The following TAF15 variants were observed in gnomAD, a reference collection of about 807,000 sequenced individuals.
TAF15 encodes the protein TATA-box binding protein associated factor 15, also known as TATA-binding protein-associated factor 2N.
TAF15 carries 37 observed loss-of-function variants against 102.5 expected under a neutral mutation model. The ratio of observed to expected loss-of-function variants is 0.36; its 90% CI spans 0.28 to 0.47. TAF15 has a LOEUF of 0.47. Among genes scored for constraint, TAF15 ranks in the 20% least tolerant of loss-of-function variants. TAF15 has a pLI of 0.99. For synonymous variants in TAF15, 273 were observed against 259.2 expected (o/e 1.05, Z -0.51); for missense variants, 652 against 760.7 (o/e 0.86, Z 1.68).
chr17:35,829,492 C>T (rs1457969327), intron 7 of TAF15, among the ~76,000 whole-genome samples: 2 of 150,544 alleles, frequency 1.3e-5, no homozygotes, highest in Admixed American at 6.6e-5. Flanking sequence ...ATTAGCCGGG[C>T]GTGGTGGCGG....
intron 1 of TAF15, among the ~76,000 whole-genome samples, chr17:35,816,489 AAAG>A (rs1411307958): frequency 4.6e-5 from 7 of 152,212 alleles, no homozygotes; most frequent in Non-Finnish European, 8.8e-5. Context: ...CATCTCTTAA[AAAG>A]AAGAAAGAAA....
At position 35,820,152 on chromosome 17, in the gene TAF15, C is replaced by T; in HGVS notation, c.100-12C>T. 6.2e-7 allele frequency: 1 copy of T among 1,613,968 alleles called. No homozygotes were observed. ...GTAGGTGATGAAACTTGAGTATTTA[C>T]CTAAATTTCAGAGCTATTCTGGCTA... is the stretch of plus-strand genomic sequence containing the variant. On this transcript the variant is annotated splice_polypyrimidine_tract_variant and intron_variant, in intron 3 of 15. Coordinates refer to ENST00000605844, the MANE Select transcript of TAF15 (RefSeq NM_139215.3).
At chr17:35,817,672 C>T in intron 1 of TAF15, 44 bp from the exon 2 acceptor site, 3 of 1,572,622 alleles carry the variant, frequency 1.9e-6, no homozygotes, top group Non-Finnish European at 2.6e-6. Context: ...TTTGAAGGAA[C>T]CATAATTTTA....
chr17:35,812,051 G>A (rs2087130288), intron 1 of TAF15, among the ~76,000 whole-genome samples: 1 of 152,174 alleles, frequency 6.6e-6, no homozygotes, highest in Admixed American at 6.5e-5. Context: ...TAACTGTGTA[G>A]GGACCAGAGA....
At chr17:35,814,586 G>A (rs1238275126) in intron 1 of TAF15, among the ~76,000 whole-genome samples, 1 of 151,562 alleles carries the variant, frequency 6.6e-6, no homozygotes, top group Non-Finnish European at 1.5e-5. Flanking sequence ...ACAGAAAACA[G>A]GCCCACCTGT....
chr17:35,818,463 A>G (rs926469928), intron 2 of TAF15: 3 of 152,108 alleles, frequency 2.0e-5, no homozygotes, highest in African/African-American at 7.2e-5. Context: ...TCTCCTTGGT[A>G]TTGTAAAGTT....
Position 35,833,951 on chromosome 17 carries a change from G to C in TAF15, c.640+10G>C. ...TTCAAAAATTTTGGTGGTAAGTGCTGAGTATCCCAAAATGTTTCAGTGGAA... is the reference window on the plus strand; with the variant it reads ...TTCAAAAATTTTGGTGGTAAGTGCTCAGTATCCCAAAATGTTTCAGTGGAA... On this transcript the variant is annotated intron_variant, in intron 8 of 15. Coordinates refer to ENST00000605844, the MANE Select transcript of TAF15 (RefSeq NM_139215.3). 1 of 1,613,702 alleles carries C rather than the reference G, an allele frequency of 6.2e-7. No homozygotes were observed. Among genetic ancestry groups the C allele is most frequent in the South Asian group, 1.1e-5 (1 of 91,054 alleles).
rs1414284417 is a variant in TAF15, at chr17:35,838,413, T to G, written c.784-11T>G. The G allele has an allele frequency of 6.2e-7, 1 of 1,614,058 alleles. No individual in the cohort carries two copies. The highest frequency in any genetic ancestry group is 2.2e-5 in the East Asian group (1 of 44,878). On this transcript the variant is annotated splice_polypyrimidine_tract_variant and intron_variant, in intron 10 of 15. Coordinates refer to ENST00000605844, the MANE Select transcript of TAF15 (RefSeq NM_139215.3). ...AAAATGCTAACACCAAGTGTTTCTGTTTTTCCTCAGACAAATAAGAAGACC... is the reference window on the plus strand; with the variant it reads ...AAAATGCTAACACCAAGTGTTTCTGGTTTTCCTCAGACAAATAAGAAGACC...
chr17:35,817,151 T>C (rs2087205707), intron 1 of TAF15: 1 of 152,854 alleles, frequency 6.5e-6, no homozygotes, highest in Admixed American at 6.5e-5. Flanking sequence ...CAGGTATTGC[T>C]GACTTGCTGT....
Position 35,822,659 on chromosome 17 carries a change from T to G in TAF15, c.310T>G (p.Ser104Ala), listed in dbSNP as rs368588705. The G allele has an allele frequency of 1.3e-5, 21 of 1,614,044 alleles. No individual in the cohort carries two copies. In the African/African-American group the frequency reaches 2.8e-4, roughly 22 times the overall value. ...SSGSQGGRAPSYDQPDYGQQD... is the reference protein window; with the variant it reads ...SSGSQGGRAPAYDQPDYGQQD... ...ATTTAGCCAAGGTGGAAGAGCACCT[T>G]CCTATGACCAGCCAGACTATGGTCA... The change falls in exon 6 of 16, where the codon TCC (serine) becomes GCC (alanine). Residue 104 changes from serine to alanine, a missense_variant. Physicochemically the swap from Ser to Ala is moderately conservative, Grantham distance 99 (BLOSUM62 1). Transcript: ENST00000605844.
chr17:35,809,578 T>A lies in TAF15; in HGVS notation c.7+2T>A, dbSNP rs1568235080. On this transcript the variant is annotated splice_donor_variant, in intron 1 of 15. Coordinates refer to ENST00000605844, the MANE Select transcript of TAF15 (RefSeq NM_139215.3). LOFTEE classifies it high-confidence loss of function. ...CGCCGCGGCCGTTAGTCATGTCGGG[T>A]AGGTGACTTCTTCAGCGAGCAGCGG... The A allele has an allele frequency of 6.2e-7, 1 of 1,612,972 alleles. No individual in the cohort carries two copies. Among genetic ancestry groups the A allele is most frequent in the Non-Finnish European group, 8.5e-7 (1 of 1,179,792 alleles).
chr17:35,814,957 T>A (rs531325282), intron 1 of TAF15, among the ~76,000 whole-genome samples: 1 of 151,726 alleles, frequency 6.6e-6, no homozygotes, highest in Non-Finnish European at 1.5e-5. Context: ...TTAAAAAAAA[T>A]ACCTCTTTGT....
At position 35,809,538 on chromosome 17, in the gene TAF15, GC is replaced by G; in HGVS notation, c.-31del. On this transcript the variant is annotated 5_prime_UTR_variant, in exon 1 of 16. Coordinates refer to ENST00000605844, the MANE Select transcript of TAF15 (RefSeq NM_139215.3). ...CTTTCGTATTCGTTGTTCTCGGCGG[GC>G]TGTGGGGCCTCCGCGCCGCGGCCGT... 1 of 1,612,826 alleles carries G rather than the reference GC, an allele frequency of 6.2e-7. No homozygotes were observed. The highest frequency in any genetic ancestry group is 8.5e-7 in the Non-Finnish European group (1 of 1,179,734).
At chr17:35,846,684 T>A (rs1025133033) in intron 15 of TAF15, among the ~76,000 whole-genome samples, 11 of 152,250 alleles carry the variant, frequency 7.2e-5, no homozygotes, top group Non-Finnish European at 1.3e-4. Flanking sequence ...GGAAAATTTT[T>A]AAGAGAGTGA....
chr17:35,836,295 T>G, intron 10 of TAF15, 54 bp downstream of exon 10: 2 of 1,270,652 alleles, frequency 1.6e-6, no homozygotes, highest in Non-Finnish European at 2.3e-6. Context: ...CTGATTACAA[T>G]ACATAGACTA....
chr17:35,810,101 C>A lies in TAF15; in HGVS notation c.7+525C>A, dbSNP rs563585813. 1.5e-5 allele frequency: 3 copies of A among 206,650 alleles called. No homozygotes were observed. In the South Asian group the frequency reaches 2.2e-4, roughly 15 times the overall value. 12.8% of individuals were successfully genotyped at this position (206,650 alleles called of 1,614,324 possible). On this transcript the variant is annotated intron_variant, in intron 1 of 15. Coordinates refer to ENST00000605844, the MANE Select transcript of TAF15 (RefSeq NM_139215.3). ...ACGCTCTGGGAGCCCTTTCAAAGGA[C>A]GTTGCCTTACACGAAATCGTACTTA...
rs753596990 is a variant in TAF15 at position 35,820,003 on chromosome 17, T to C, written c.48-21T>C. On this transcript the variant is annotated intron_variant, in intron 2 of 15. Coordinates refer to ENST00000605844, the MANE Select transcript of TAF15 (RefSeq NM_139215.3). ...AAAATTTCTACACATTTCTTTCAAG[T>C]ATTAAATTTTTCTTTTGCAGTTATT... The C allele has an allele frequency of 8.1e-6, 13 of 1,610,854 alleles. No homozygotes were observed. The Admixed American group carries it at 1.0e-4, about 12-fold the overall frequency.
chr17:35,838,582 T>C, intron 11 of TAF15, 29 bp downstream of exon 11: 2 of 1,611,376 alleles, frequency 1.2e-6, no homozygotes, highest in South Asian at 2.2e-5. Flanking sequence ...GTTTTCAGCA[T>C]GAAGTTGGAT....
intron 1 of TAF15, among the ~76,000 whole-genome samples, chr17:35,813,786 T>G (rs1010631541): frequency 1.3e-5 from 2 of 152,184 alleles, no homozygotes; most frequent in Non-Finnish European, 2.9e-5. Flanking sequence ...ACACTAGATT[T>G]AAACATGAAA....
Sources: allele counts gnomAD v4.1 joint callset (sites outside exome capture counted in the v4.1 genomes callset), GRCh38; gene constraint gnomAD v4.1.1; transcripts MANE v1.5; gene names NCBI Gene and HGNC (gene_info 2026-07-23, HGNC 2026-07-21).